Variants in ZNF804B observed in about 807,000 individuals in gnomAD.
The protein encoded by ZNF804B is zinc finger protein 804B.
ZNF804B carries 80 observed loss-of-function variants against 101.4 expected under a neutral mutation model. The ratio of observed to expected loss-of-function variants is 0.79; its 90% CI spans 0.66 to 0.95. The LOEUF (loss-of-function observed/expected upper bound fraction) is 0.95, where lower values mean the gene tolerates loss of function less well. Ranked by LOEUF, ZNF804B falls within the 40% of genes least tolerant of loss-of-function variation. The pLI is 0.00. For missense variants in ZNF804B, 1,673 were observed against 1,561.9 expected, an observed-to-expected ratio of 1.07 and a Z score of -1.20; for synonymous variants, 622 against 558.8, an observed-to-expected ratio of 1.11 and a Z score of -1.59.
At chr7:89,314,557 C>T (rs1790692024) in intron 2 of ZNF804B, among the ~76,000 whole-genome samples, 3 of 152,244 alleles carry the variant, frequency 2.0e-5, no homozygotes, top group East Asian at 3.9e-4. Context: ...GATTATAATT[C>T]ATACATACTG....
intron 1 of ZNF804B, among the ~76,000 whole-genome samples, chr7:88,872,059 G>C (rs924751504): frequency 6.6e-6 from 1 of 152,182 alleles, no homozygotes; most frequent in African/African-American, 2.4e-5. Context: ...ATGGTGAACT[G>C]TGTTTTGTAT....
intron 1 of ZNF804B, among the ~76,000 whole-genome samples, chr7:89,092,677 C>T (rs900549805): frequency 1.3e-5 from 2 of 152,036 alleles, no homozygotes; most frequent in East Asian, 1.9e-4. Flanking sequence ...TCCCAAAGTG[C>T]GTTGATTTAT....
At chr7:88,835,843 A>G (rs1791208317) in intron 1 of ZNF804B, among the ~76,000 whole-genome samples, 1 of 152,000 alleles carries the variant, frequency 6.6e-6, no homozygotes, top group Non-Finnish European at 1.5e-5. Context: ...AAAAGAAAAT[A>G]TAAATATTTG....
At chr7:89,012,135 G>A (rs949946843) in intron 1 of ZNF804B, among the ~76,000 whole-genome samples, 1 of 152,138 alleles carries the variant, frequency 6.6e-6, no homozygotes, top group African/African-American at 2.4e-5. Flanking sequence ...CGCTCTCTGA[G>A]GCAATGGCCT....
chr7:89,155,563 C>A (rs1185680281), intron 1 of ZNF804B, among the ~76,000 whole-genome samples: 2 of 152,060 alleles, frequency 1.3e-5, no homozygotes, highest in African/African-American at 4.8e-5. Context: ...TAATTTTGTT[C>A]TCTTTCATTG....
intron 2 of ZNF804B, among the ~76,000 whole-genome samples, chr7:89,280,423 G>A (rs1021984718): frequency 7.9e-5 from 12 of 151,790 alleles, no homozygotes; most frequent in African/African-American, 2.9e-4. Context: ...CAGAACTGAA[G>A]GAAATAGAGA....
At chr7:89,063,208 A>G (rs1428917574) in intron 1 of ZNF804B, among the ~76,000 whole-genome samples, 1 of 152,128 alleles carries the variant, frequency 6.6e-6, no homozygotes, top group Non-Finnish European at 1.5e-5. Context: ...AAACTAAGCT[A>G]TATATTTTTT....
chr7:88,859,736 A>T (rs1447441312), intron 1 of ZNF804B, among the ~76,000 whole-genome samples: 1 of 151,942 alleles, frequency 6.6e-6, no homozygotes, highest in Non-Finnish European at 1.5e-5. Context: ...CTCTATGTCC[A>T]TGTGCATGCA....
chr7:89,276,233 G>A (rs902266901), intron 2 of ZNF804B, among the ~76,000 whole-genome samples: 2 of 151,790 alleles, frequency 1.3e-5, no homozygotes, highest in African/African-American at 4.9e-5. Flanking sequence ...TTAGTACTTA[G>A]GTGATGGGTT....
intron 1 of ZNF804B, among the ~76,000 whole-genome samples, chr7:88,775,803 C>G (rs1790132615): frequency 6.6e-6 from 1 of 152,144 alleles, no homozygotes; most frequent in Non-Finnish European, 1.5e-5. Context: ...TGCTTGGTGA[C>G]AAAGCTTGTC....
At chr7:88,991,206 GGCAGT>G (rs1793840184) in intron 1 of ZNF804B, among the ~76,000 whole-genome samples, 1 of 152,118 alleles carries the variant, frequency 6.6e-6, no homozygotes, top group Admixed American at 6.6e-5. Flanking sequence ...GATCCCAGAA[GGCAGT>G]GCCACTGCTA....
At chr7:88,854,414 C>CCTTTCTTTCTTCCTTTCTTTCTTTCTTT (rs1491507073) in intron 1 of ZNF804B, among the ~76,000 whole-genome samples, 19 of 57,114 alleles carry the variant, frequency 3.3e-4, no homozygotes, top group Admixed American at 1.0e-3. Flanking sequence ...TTTCTTTCTT[C>CCTTTCTTTCTTCCTTTCTTTCTTTCTTT]CTTTCTTTCT....
Position 89,236,520 on chromosome 7 carries a change from G to GAACT in ZNF804B, c.249+18226_249+18229dup, listed in dbSNP as rs542118241. On this transcript the variant is annotated intron_variant, in intron 2 of 3. Coordinates refer to ENST00000333190, the MANE Select transcript of ZNF804B (RefSeq NM_181646.5). ...ATAATTCTCAAGGCAATTAAAATTA[G>GAACT]AACTTTCCAATTTATCTGATGCACA... Among the ~76,000 whole-genome samples the GAACT allele has an allele frequency of 6.4e-4, 98 of 152,188 alleles. No homozygotes were observed. The East Asian group carries it at 0.018, about 28-fold the overall frequency.
chr7:88,998,058 A>G (rs1788226379), intron 1 of ZNF804B, among the ~76,000 whole-genome samples: 1 of 151,962 alleles, frequency 6.6e-6, no homozygotes, highest in Non-Finnish European at 1.5e-5. Flanking sequence ...ACACGACACT[A>G]TGCCCTCCAT....
At chr7:89,187,859 A>G (rs1290728816) in intron 1 of ZNF804B, among the ~76,000 whole-genome samples, 2 of 152,176 alleles carry the variant, frequency 1.3e-5, no homozygotes, top group Non-Finnish European at 2.9e-5. Context: ...GAAACTTGTC[A>G]ATTAACCAAA....
intron 1 of ZNF804B, among the ~76,000 whole-genome samples, chr7:88,811,919 C>CAAA (rs760962986): frequency 3.9e-5 from 6 of 152,112 alleles, no homozygotes; most frequent in Non-Finnish European, 7.4e-5. Flanking sequence ...CCATGGTACA[C>CAAA]ATTTATCTCT....
intron 1 of ZNF804B, among the ~76,000 whole-genome samples, chr7:88,907,032 T>A (rs933778699): frequency 3.3e-5 from 5 of 152,070 alleles, no homozygotes; most frequent in Admixed American, 2.6e-4. Flanking sequence ...CAGTCTGTTT[T>A]ATCTGATATA....
chr7:89,025,342 G>A (rs1584080987), intron 1 of ZNF804B, among the ~76,000 whole-genome samples: 1 of 152,064 alleles, frequency 6.6e-6, no homozygotes. Flanking sequence ...ATTACAGTTT[G>A]AGTCATTAGC....
At chr7:88,948,608 T>C (rs1793172664) in intron 1 of ZNF804B, among the ~76,000 whole-genome samples, 1 of 151,858 alleles carries the variant, frequency 6.6e-6, no homozygotes, top group African/African-American at 2.4e-5. Flanking sequence ...AGCCTGCTCC[T>C]GCTGTCCATC....
Sources: allele counts gnomAD v4.1 joint callset (sites outside exome capture counted in the v4.1 genomes callset), GRCh38; gene constraint gnomAD v4.1.1; transcripts MANE v1.5; gene names NCBI Gene and HGNC (gene_info 2026-07-23, HGNC 2026-07-21).